PXMP4: variants seen among roughly 807,000 people sequenced by gnomAD.
The protein encoded by PXMP4 is 24 kDa peroxisomal intrinsic membrane protein.
In PXMP4, 16 loss-of-function variants were observed where a neutral mutation model predicts 21.6. The ratio of observed to expected loss-of-function variants is 0.74; its 90% CI spans 0.50 to 1.13. The LOEUF (loss-of-function observed/expected upper bound fraction) is 1.13, where lower values mean the gene tolerates loss of function less well. PXMP4 is among the 50% of genes most tolerant of loss of function. The pLI is 0.00. For missense variants in PXMP4, 240 were observed against 277.7 expected (o/e 0.86, Z 0.96); for synonymous variants, 127 against 123.8 (o/e 1.03, Z -0.17).
chr20:33,708,791 AG>A (rs1176348186), intron 3 of PXMP4, among the ~76,000 whole-genome samples: 1 of 151,930 alleles, frequency 6.6e-6, no homozygotes, highest in African/African-American at 2.4e-5. Flanking sequence ...CCCTGGTTCA[AG>A]CGATTCTCCT....
intron 2 of PXMP4, 105 bp downstream of exon 2, chr20:33,714,569 T>C (rs769362255): frequency 2.8e-4 from 313 of 1,134,048 alleles, no homozygotes; most frequent in Admixed American, 4.2e-4. Flanking sequence ...AGTTGAACTT[T>C]AGAAGGCGTG....
In PXMP4 at chr20:33,706,271, T is replaced by G. The variant is rs545468118; in HGVS notation, c.*1435A>C. The G allele has an allele frequency of 2.0e-5, 3 of 151,618 alleles. No homozygotes were observed. The highest frequency in any genetic ancestry group is 7.3e-5 in the African/African-American group (3 of 41,378). 9.4% of individuals were successfully genotyped at this position (151,618 alleles called of 1,614,324 possible). Reference sequence around the variant, plus strand: ...TGTAAAATGGGGACGAAAACACACATTTGCAAGGCCACTGTATGGTTTAAA... The same window carrying G: ...TGTAAAATGGGGACGAAAACACACAGTTGCAAGGCCACTGTATGGTTTAAA... On this transcript the variant is annotated 3_prime_UTR_variant, in exon 4 of 4. Coordinates refer to ENST00000409299, the MANE Select transcript of PXMP4 (RefSeq NM_007238.5).
rs201106943 is a variant in PXMP4, at chr20:33,720,065, G to A, written c.113+30C>T. The A allele has an allele frequency of 2.1e-4, 334 of 1,603,980 alleles. No homozygotes were observed. The African/African-American group carries it at 4.0e-3, about 19-fold the overall frequency. On this transcript the variant is annotated intron_variant, in intron 1 of 3. Transcript: ENST00000409299. ...CTGACCCCAGGCAGGACATCCCTCA[G>A]CCCCAGCCCGGCCCGACGGCCCCAC... is the stretch of plus-strand genomic sequence containing the variant.
Position 33,702,976 on chromosome 20 carries a change from G to A in PXMP4, c.*4730C>T, listed in dbSNP as rs1342957657. 6.6e-6 allele frequency: 1 copy of A among 152,228 alleles called. No homozygotes were observed. The highest frequency in any genetic ancestry group is 2.4e-5 in the African/African-American group (1 of 41,454). The allele number at this position is 152,228 out of a possible 1,614,324, so 9.4% of individuals were successfully genotyped here. A position where few individuals can be genotyped will look rare whatever the true frequency, so the allele number is the denominator to read the frequency against. On this transcript the variant is annotated 3_prime_UTR_variant, in exon 4 of 4. Transcript: ENST00000409299. ...AAGGAGCCAAATGGGACTCCTCTCAGATCTGCTGGAAGGCAGAGCCCTGCT... is the reference window on the plus strand; with the variant it reads ...AAGGAGCCAAATGGGACTCCTCTCAAATCTGCTGGAAGGCAGAGCCCTGCT...
At chr20:33,717,660 T>TAAAAAAAAAAAAAAAAAAAAAAAAAAAA (rs2018398410) in intron 1 of PXMP4, among the ~76,000 whole-genome samples, 1 of 109,056 alleles carries the variant, frequency 9.2e-6, no homozygotes, top group African/African-American at 4.1e-5. Context: ...AAAAAAAAAT[T>TAAAAAAAAAAAAAAAAAAAAAAAAAAAA]ATTAAATATT....
intron 1 of PXMP4, among the ~76,000 whole-genome samples, chr20:33,717,623 G>C (rs1433869338): frequency 8.8e-6 from 1 of 113,116 alleles, no homozygotes; most frequent in African/African-American, 4.4e-5. Flanking sequence ...CTGGGCGACA[G>C]AGCGAGACTC....
chr20:33,706,089 C>T lies in PXMP4; in HGVS notation c.*1617G>A, dbSNP rs1036552381. 2 of 151,916 alleles carry T rather than the reference C, an allele frequency of 1.3e-5. No homozygotes were observed. Among genetic ancestry groups the T allele is most frequent in the African/African-American group, 4.8e-5 (2 of 41,378 alleles). 9.4% of individuals were successfully genotyped at this position (151,916 alleles called of 1,614,324 possible). A position where few individuals can be genotyped will look rare whatever the true frequency, so the allele number is the denominator to read the frequency against. On this transcript the variant is annotated 3_prime_UTR_variant, in exon 4 of 4. Coordinates refer to ENST00000409299, the MANE Select transcript of PXMP4 (RefSeq NM_007238.5). The stretch of plus-strand genomic sequence containing the variant: ...TACAGGGACGTGCCACCATGCCTGG[C>T]TAATTTTTGTATTTTTAGTAGAGAT...
chr20:33,711,821 G>A (rs1433433080), intron 2 of PXMP4, among the ~76,000 whole-genome samples: 5 of 151,904 alleles, frequency 3.3e-5, no homozygotes, highest in African/African-American at 9.7e-5. Flanking sequence ...ATGAGACCTC[G>A]TCTCTATAAA....
chr20:33,707,715 G>C lies in PXMP4; in HGVS notation c.630C>G (p.Pro210=), dbSNP rs1425338454. The C allele has an allele frequency of 1.7e-5, 28 of 1,613,728 alleles. No homozygotes were observed. Among genetic ancestry groups the C allele is most frequent in the Non-Finnish European group, 2.2e-5 (26 of 1,179,768 alleles). Residue 210 remains proline, a synonymous_variant, in exon 4 of 4, where the codon CCC becomes CCG. Coordinates refer to ENST00000409299, the MANE Select transcript of PXMP4 (RefSeq NM_007238.5). ...ACACCTCAGGGCTGCATTAATTGGA[G>C]GGACGGCTCTTGTTATAGACGAGGA... ...SDFLVYNKSR[P]SN
intron 3 of PXMP4, among the ~76,000 whole-genome samples, chr20:33,709,299 A>G (rs2018296748): frequency 6.6e-6 from 1 of 152,184 alleles, no homozygotes; most frequent in Non-Finnish European, 1.5e-5. Context: ...TGTCTCAACA[A>G]AAACAAAACA....
chr20:33,702,914 C>T lies in PXMP4; in HGVS notation c.*4792G>A, dbSNP rs2018219115. 1 of 152,158 alleles carries T rather than the reference C, an allele frequency of 6.6e-6. No individual in the cohort carries two copies. Among genetic ancestry groups the T allele is most frequent in the Non-Finnish European group, 1.5e-5 (1 of 68,032 alleles). 9.4% of individuals were successfully genotyped at this position (152,158 alleles called of 1,614,324 possible). On this transcript the variant is annotated 3_prime_UTR_variant, in exon 4 of 4. Transcript: ENST00000409299. ...TGCAACAAGAGCCCTCTGGCCATCCCTGTTTTACAGGTCTTAGAGAATGGA... is the reference window on the plus strand; with the variant it reads ...TGCAACAAGAGCCCTCTGGCCATCCTTGTTTTACAGGTCTTAGAGAATGGA...
chr20:33,710,661 G>A lies in PXMP4; in HGVS notation c.269C>T (p.Ala90Val). ...CTTGCCTTGTATGTAGGACTGCAGG[G>A]CACGGAGACCCTTGTAGGTGAACAC... is the stretch of plus-strand genomic sequence containing the variant. The part of the protein sequence containing the change: ...RFVFTYKGLR[A>V]LQSYIQGKTY... Residue 90 changes from alanine (A) to valine (V), a missense_variant, in exon 3 of 4, where the codon GCC becomes GTC. Physicochemically the swap from Ala to Val is moderately conservative, Grantham distance 64 (BLOSUM62 0). Coordinates refer to ENST00000409299, the MANE Select transcript of PXMP4 (RefSeq NM_007238.5). 1.9e-6 allele frequency: 3 copies of A among 1,613,958 alleles called. No individual in the cohort carries two copies. The highest frequency in any genetic ancestry group is 2.5e-6 in the Non-Finnish European group (3 of 1,179,950).
chr20:33,719,672 C>T (rs2018425167), intron 1 of PXMP4, among the ~76,000 whole-genome samples: 1 of 152,208 alleles, frequency 6.6e-6, no homozygotes, highest in African/African-American at 2.4e-5. Context: ...AGGATGCAAG[C>T]CCATGGGCAA....
At chr20:33,715,353 C>A (rs2018372134) in intron 1 of PXMP4, among the ~76,000 whole-genome samples, 1 of 151,108 alleles carries the variant, frequency 6.6e-6, no homozygotes, top group Non-Finnish European at 1.5e-5. Flanking sequence ...GTTGCCCAGG[C>A]TGGTCTGGAA....
intron 1 of PXMP4, among the ~76,000 whole-genome samples, chr20:33,716,768 T>C (rs1410461314): frequency 6.6e-6 from 1 of 152,152 alleles, no homozygotes; most frequent in African/African-American, 2.4e-5. Flanking sequence ...ACAATGTCAT[T>C]TCTAGAAGGT....
rs570420829 is a variant in PXMP4 at position 33,705,970 on chromosome 20, G to C, written c.*1736C>G. The stretch of plus-strand genomic sequence containing the variant: ...AGACACAGTCTCGCTCTGTGGCCCA[G>C]GCTGGAGTGCAGTCGTGCGATCTCA... On this transcript the variant is annotated 3_prime_UTR_variant, in exon 4 of 4. Coordinates refer to ENST00000409299, the MANE Select transcript of PXMP4 (RefSeq NM_007238.5). 6.6e-6 allele frequency: 1 copy of C among 151,900 alleles called. No individual in the cohort carries two copies. Among genetic ancestry groups the C allele is most frequent in the Admixed American group, 6.6e-5 (1 of 15,252 alleles). 9.4% of individuals were successfully genotyped at this position (151,900 alleles called of 1,614,324 possible). A position where few individuals can be genotyped will look rare whatever the true frequency, so the allele number is the denominator to read the frequency against.
chr20:33,710,784 T>G (rs768608382), intron 2 of PXMP4, 31 bp from the exon 3 acceptor site: 1 of 1,554,704 alleles, frequency 6.4e-7, no homozygotes, highest in Admixed American at 1.9e-5. Flanking sequence ...CTGCCATGAG[T>G]GCAGGCTCAG....
rs772158398 is a variant in PXMP4 at position 33,705,604 on chromosome 20, C to CAA, written c.*2100_*2101dup. 1.6e-3 allele frequency: 163 copies of CAA among 101,432 alleles called. 1 individual carries two copies. The highest frequency in any genetic ancestry group is 4.0e-3 in the African/African-American group (97 of 24,270). 6.3% of individuals were successfully genotyped at this position (101,432 alleles called of 1,614,324 possible). A position where few individuals can be genotyped will look rare whatever the true frequency, so the allele number is the denominator to read the frequency against. ...TGGGCGAGAGAGCAAGACTCTGTCT[C>CAA]AAAAAAAAAAAAAAAAGAAAAAATC... On this transcript the variant is annotated 3_prime_UTR_variant, in exon 4 of 4. Transcript: ENST00000409299.
intron 2 of PXMP4, among the ~76,000 whole-genome samples, chr20:33,714,143 C>G (rs1410576287): frequency 6.6e-6 from 1 of 152,196 alleles, no homozygotes; most frequent in African/African-American, 2.4e-5. Context: ...CGGGGGTCAG[C>G]TGAGGCCAGA....
Sources: allele counts gnomAD v4.1 joint callset (sites outside exome capture counted in the v4.1 genomes callset), GRCh38; gene constraint gnomAD v4.1.1; transcripts MANE v1.5; gene names NCBI Gene and HGNC (gene_info 2026-07-23, HGNC 2026-07-21).